The following SLC8A1 variants were observed in gnomAD, a reference collection of about 807,000 sequenced individuals.
SLC8A1 encodes sodium/calcium exchanger 1.
A neutral mutation model predicts 68.3 loss-of-function variants in SLC8A1; 18 were observed. The observed-to-expected ratio is 0.26, with a 90% CI of 0.18 to 0.39. The LOEUF (loss-of-function observed/expected upper bound fraction) is 0.39. Ranked by LOEUF, SLC8A1 falls within the 10% of genes least tolerant of loss-of-function variation. The pLI is 1.00. For missense variants in SLC8A1, 985 were observed against 1,156.7 expected, an observed-to-expected ratio of 0.85 and a Z score of 2.15; for synonymous variants, 475 against 415.5, an observed-to-expected ratio of 1.14 and a Z score of -1.74.
At chr2:40,282,878 G>A (rs1344243522) in intron 2 of SLC8A1, among the ~76,000 whole-genome samples, 1 of 152,150 alleles carries the variant, frequency 6.6e-6, no homozygotes, top group East Asian at 1.9e-4. Context: ...CGGACTCCCA[G>A]TGAATCTTGA....
chr2:40,419,338 T>C (rs931568745), intron 2 of SLC8A1, among the ~76,000 whole-genome samples: 6 of 152,180 alleles, frequency 3.9e-5, no homozygotes, highest in African/African-American at 1.2e-4. Flanking sequence ...CCCATTTCTA[T>C]TTCCTTACTC....
At chr2:40,451,448 C>G (rs1013845171) in intron 1 of SLC8A1, among the ~76,000 whole-genome samples, 2 of 152,252 alleles carry the variant, frequency 1.3e-5, no homozygotes, top group African/African-American at 4.8e-5. Context: ...GGGGAAAGAC[C>G]CCAGGGATTA....
intron 5 of SLC8A1, among the ~76,000 whole-genome samples, chr2:40,161,147 A>T (rs2045605650): frequency 6.6e-6 from 1 of 152,170 alleles, no homozygotes; most frequent in Non-Finnish European, 1.5e-5. Context: ...GCAAAAGCCC[A>T]TCCATCCCCC....
At chr2:40,428,045 T>A (rs1275960442) in intron 2 of SLC8A1, among the ~76,000 whole-genome samples, 1 of 152,136 alleles carries the variant, frequency 6.6e-6, no homozygotes, top group East Asian at 1.9e-4. Flanking sequence ...GTTTCCTTTT[T>A]GGGTTTTCCC....
intron 2 of SLC8A1, among the ~76,000 whole-genome samples, chr2:40,185,457 A>C (rs1219730391): frequency 6.6e-6 from 1 of 152,246 alleles, no homozygotes; most frequent in Non-Finnish European, 1.5e-5. Flanking sequence ...ATGAACCCTG[A>C]GAACATCATT....
intron 2 of SLC8A1, among the ~76,000 whole-genome samples, chr2:40,193,955 C>T (rs1454252086): frequency 6.6e-6 from 1 of 152,128 alleles, no homozygotes; most frequent in Non-Finnish European, 1.5e-5. Context: ...TGAAATTTCT[C>T]CTTCCTGAAA....
intron 1 of SLC8A1, among the ~76,000 whole-genome samples, chr2:40,467,987 GT>G (rs938806255): frequency 6.6e-6 from 1 of 152,004 alleles, no homozygotes; most frequent in African/African-American, 2.4e-5. Context: ...TCTCAGTTTG[GT>G]TGTCTATAAC....
chr2:40,474,386 A>G (rs567240370), intron 1 of SLC8A1, among the ~76,000 whole-genome samples: 1 of 152,284 alleles, frequency 6.6e-6, no homozygotes, highest in Non-Finnish European at 1.5e-5. Context: ...CTTGGACAAA[A>G]ACATAAATGG....
chr2:40,122,240 A>C (rs567766716), intron 7 of SLC8A1, among the ~76,000 whole-genome samples: 1 of 151,578 alleles, frequency 6.6e-6, no homozygotes, highest in Non-Finnish European at 1.5e-5. Context: ...GCGCGCGCAC[A>C]CACACACACA....
intron 2 of SLC8A1, among the ~76,000 whole-genome samples, chr2:40,387,370 C>A (rs1282475762): frequency 6.6e-6 from 1 of 151,336 alleles, no homozygotes; most frequent in Non-Finnish European, 1.5e-5. Flanking sequence ...TCTATTCACA[C>A]AGGGGTAGGA....
At chr2:40,452,638 A>G (rs889766359), upstream of SLC8A1, among the ~76,000 whole-genome samples, 5 of 151,846 alleles carry the variant, frequency 3.3e-5, no homozygotes, top group African/African-American at 1.2e-4. Flanking sequence ...GCTTTCTTTT[A>G]GCAAAAGGAT....
chr2:40,257,945 G>C (rs924994705), intron 2 of SLC8A1, among the ~76,000 whole-genome samples: 22 of 152,226 alleles, frequency 1.4e-4, no homozygotes, highest in Admixed American at 4.6e-4. Context: ...GACAGGAGTA[G>C]AGTGAGGAGG....
At chr2:40,459,061 C>T (rs1703187319) in intron 1 of SLC8A1, among the ~76,000 whole-genome samples, 1 of 152,066 alleles carries the variant, frequency 6.6e-6, no homozygotes, top group Non-Finnish European at 1.5e-5. Context: ...GACTCCGGAC[C>T]AGGCACTGTC....
At position 40,178,594 on chromosome 2, in the gene SLC8A1, C is replaced by T. The variant is rs564766670; in HGVS notation, c.1809-739G>A. The T allele has an allele frequency of 9.4e-6, 9 of 953,388 alleles. No homozygotes were observed. In the South Asian group the frequency reaches 1.1e-4, roughly 12 times the overall value. The allele number at this position is 953,388 out of a possible 1,614,324, so 59.1% of individuals were successfully genotyped here. A position where few individuals can be genotyped will look rare whatever the true frequency, so the allele number is the denominator to read the frequency against. On this transcript the variant is annotated intron_variant, in intron 2 of 7. Coordinates refer to ENST00000406785, the Ensembl canonical transcript of SLC8A1. ...AAGGTTAACCAGCTGCACTTTCAGACAAACAGTAATCGAGAAACTTCTGTA... is the reference window on the plus strand; with the variant it reads ...AAGGTTAACCAGCTGCACTTTCAGATAAACAGTAATCGAGAAACTTCTGTA...
intron 1 of SLC8A1, among the ~76,000 whole-genome samples, chr2:40,440,534 G>T (rs1336200075): frequency 1.3e-5 from 2 of 151,996 alleles, no homozygotes; most frequent in African/African-American, 4.8e-5. Context: ...AGGCACTGGG[G>T]CTAGAACCAT....
chr2:40,325,394 G>A (rs956459035), intron 2 of SLC8A1, among the ~76,000 whole-genome samples: 2 of 152,126 alleles, frequency 1.3e-5, no homozygotes, highest in Non-Finnish European at 2.9e-5. Context: ...GCAAACCAGT[G>A]GAGCAGATAA....
intron 2 of SLC8A1, among the ~76,000 whole-genome samples, chr2:40,382,409 TA>T (rs1682140626): frequency 6.6e-6 from 1 of 152,118 alleles, no homozygotes; most frequent in Non-Finnish European, 1.5e-5. Context: ...TTTTATTCCG[TA>T]ACCTGTTTAC....
At chr2:40,216,860 G>A (rs1283872502) in intron 2 of SLC8A1, among the ~76,000 whole-genome samples, 1 of 151,964 alleles carries the variant, frequency 6.6e-6, no homozygotes, top group Non-Finnish European at 1.5e-5. Flanking sequence ...TTTTTTTCTT[G>A]TAAATTTGTT....
At chr2:40,487,472 C>T (rs1705043922) in intron 1 of SLC8A1, among the ~76,000 whole-genome samples, 1 of 152,138 alleles carries the variant, frequency 6.6e-6, no homozygotes, top group Non-Finnish European at 1.5e-5. Context: ...TATGAAACCA[C>T]TGTCTCAGAG....
Sources: gnomAD v4.1 joint callset for allele counts (sites outside exome capture counted in the v4.1 genomes callset) on GRCh38, gnomAD v4.1.1 for gene constraint, MANE v1.5 for transcripts, NCBI Gene and HGNC (gene_info 2026-07-23, HGNC 2026-07-21) for gene names.